The following GPR176 variants were observed in gnomAD, a reference collection of about 807,000 sequenced individuals.
GPR176 encodes G-protein coupled receptor 176.
GPR176 carries 26 observed loss-of-function variants against 35.4 expected under a neutral mutation model. That is an observed-to-expected ratio of 0.74 (90% CI 0.54 to 1.02). The LOEUF (loss-of-function observed/expected upper bound fraction) is 1.02. Ranked by LOEUF, GPR176 falls within the 50% of genes least tolerant of loss-of-function variation. GPR176 has a pLI of 0.00. For synonymous variants in GPR176, 278 were observed against 271.3 expected (o/e 1.02, Z -0.24); for missense variants, 597 against 665.3 (o/e 0.90, Z 1.13).
At chr15:39,902,824 G>A (rs2033316687) in intron 1 of GPR176, among the ~76,000 whole-genome samples, 1 of 152,206 alleles carries the variant, frequency 6.6e-6, no homozygotes, top group Admixed American at 6.5e-5. Flanking sequence ...CACAAGGGAT[G>A]CCCAGGGAAC....
chr15:39,884,508 G>A (rs921949811), intron 1 of GPR176, among the ~76,000 whole-genome samples: 1 of 152,150 alleles, frequency 6.6e-6, no homozygotes, highest in Non-Finnish European at 1.5e-5. Context: ...TTTTTCTCAT[G>A]TAACCCACAT....
chr15:39,906,595 T>C (rs950076646), intron 1 of GPR176, among the ~76,000 whole-genome samples: 7 of 152,230 alleles, frequency 4.6e-5, no homozygotes, highest in African/African-American at 1.2e-4. Flanking sequence ...GCCTGTCTTA[T>C]GTCATAGGCT....
At position 39,920,012 on chromosome 15, in the gene GPR176, C is replaced by T; in HGVS notation, c.15G>A (p.Gly5=). 1 of 1,381,320 alleles carries T rather than the reference C, an allele frequency of 7.2e-7. No individual in the cohort carries two copies. The highest frequency in any genetic ancestry group is 9.4e-7 in the Non-Finnish European group (1 of 1,062,664). 85.6% of individuals were successfully genotyped at this position (1,381,320 alleles called of 1,614,324 possible). A position where few individuals can be genotyped will look rare whatever the true frequency, so the allele number is the denominator to read the frequency against. Residue 5 remains glycine, a synonymous_variant, in exon 1 of 3, where the codon GGG becomes GGA. Coordinates refer to ENST00000561100, the MANE Select transcript of GPR176 (RefSeq NM_007223.3). ...CGCTGGCATTTGGAGAGATCCAGCT[C>T]CCGTTATGTCCCATGGCGAGGCTGG... MGHN[G]SWISPNASEP...
chr15:39,846,691 C>T (rs548304181), intron 1 of GPR176, among the ~76,000 whole-genome samples: 9 of 152,228 alleles, frequency 5.9e-5, no homozygotes, highest in African/African-American at 1.7e-4. Context: ...ACATTTTTCA[C>T]GTGCTGAAAG....
At chr15:39,896,922 A>G (rs542435932) in intron 1 of GPR176, among the ~76,000 whole-genome samples, 1 of 152,372 alleles carries the variant, frequency 6.6e-6, no homozygotes, top group East Asian at 1.9e-4. Flanking sequence ...TTCTCACAAA[A>G]TAAACTATTA....
intron 1 of GPR176, among the ~76,000 whole-genome samples, chr15:39,847,944 G>A (rs1033161354): frequency 2.0e-5 from 3 of 152,140 alleles, no homozygotes; most frequent in African/African-American, 4.8e-5. Flanking sequence ...AATCATGGCC[G>A]AAGGTGATGG....
At position 39,909,015 on chromosome 15, in the gene GPR176, G is replaced by A. The variant is rs138268476; in HGVS notation, c.172+10840C>T. ...CACAAAGTATAAAGTGGCAGATACT[G>A]TAGTCTGGTTCACTCAATATTCCCT... On this transcript the variant is annotated intron_variant, in intron 1 of 2. Transcript: ENST00000561100. Among the ~76,000 whole-genome samples, 727 of 152,300 alleles carry A rather than the reference G, an allele frequency of 4.8e-3. 6 individuals are homozygous for A. The highest frequency in any genetic ancestry group is 0.017 in the African/African-American group (700 of 41,550).
intron 1 of GPR176, among the ~76,000 whole-genome samples, chr15:39,850,652 G>C (rs1028502593): frequency 1.3e-5 from 2 of 152,098 alleles, no homozygotes; most frequent in Non-Finnish European, 2.9e-5. Context: ...TCTGTGTCTT[G>C]ACCTATCAAT....
intron 1 of GPR176, among the ~76,000 whole-genome samples, chr15:39,892,574 A>G (rs894601932): frequency 6.6e-5 from 10 of 152,258 alleles, no homozygotes; most frequent in Non-Finnish European, 1.2e-4. Flanking sequence ...TGTAGTAATC[A>G]AGATGAGGTC....
chr15:39,873,680 A>C (rs937206308), intron 1 of GPR176, among the ~76,000 whole-genome samples: 1 of 150,476 alleles, frequency 6.6e-6, no homozygotes, highest in Admixed American at 6.6e-5. Context: ...AAGGTGAAGT[A>C]GCTTCCTAGT....
chr15:39,854,824 GCCAATAGTTCAAGA>G (rs1460481709), intron 1 of GPR176, among the ~76,000 whole-genome samples: 1 of 151,912 alleles, frequency 6.6e-6, no homozygotes, highest in Non-Finnish European at 1.5e-5. Context: ...ATCACTTGAG[GCCAATAGTTCAAGA>G]CCAGCCTGGG....
chr15:39,884,538 A>G (rs936002106), intron 1 of GPR176, among the ~76,000 whole-genome samples: 1 of 151,648 alleles, frequency 6.6e-6, no homozygotes, highest in Admixed American at 6.5e-5. Flanking sequence ...GGGCTGGGGC[A>G]GCTGCTCAAA....
intron 1 of GPR176, among the ~76,000 whole-genome samples, chr15:39,831,636 C>G (rs565892285): frequency 6.6e-6 from 1 of 152,252 alleles, no homozygotes; most frequent in Non-Finnish European, 1.5e-5. Context: ...CAACAAAATA[C>G]TGTAGATTTG....
chr15:39,885,368 G>GGA (rs2032636412), intron 1 of GPR176, among the ~76,000 whole-genome samples: 1 of 152,152 alleles, frequency 6.6e-6, no homozygotes, highest in Non-Finnish European at 1.5e-5. Flanking sequence ...AGCAAATCAG[G>GGA]GAGTAAGAAG....
intron 1 of GPR176, among the ~76,000 whole-genome samples, chr15:39,872,163 AG>A (rs2032065800): frequency 6.6e-6 from 1 of 150,692 alleles, no homozygotes; most frequent in Admixed American, 6.7e-5. Context: ...AACTCTTTTA[AG>A]GCAAGAAGAA....
At chr15:39,814,532 T>A (rs1471057169) in intron 1 of GPR176, among the ~76,000 whole-genome samples, 1 of 152,216 alleles carries the variant, frequency 6.6e-6, no homozygotes, top group African/African-American at 2.4e-5. Flanking sequence ...TTCAGATTAT[T>A]CTGTTGTATC....
At chr15:39,913,718 AGTAGTGG>A (rs1390076337) in intron 1 of GPR176, among the ~76,000 whole-genome samples, 273 of 152,288 alleles carry the variant, frequency 1.8e-3, no homozygotes, top group African/African-American at 6.2e-3. Flanking sequence ...ATTCAGTAGT[AGTAGTGG>A]TTGCACTACT....
At chr15:39,867,552 A>G (rs995091397) in intron 1 of GPR176, among the ~76,000 whole-genome samples, 2 of 151,626 alleles carry the variant, frequency 1.3e-5, no homozygotes, top group African/African-American at 4.9e-5. Context: ...CTCACGCTGG[A>G]GGCTACTCAG....
chr15:39,834,889 T>C (rs1901298284), intron 1 of GPR176, among the ~76,000 whole-genome samples: 1 of 152,156 alleles, frequency 6.6e-6, no homozygotes, highest in Non-Finnish European at 1.5e-5. Flanking sequence ...TAGTCAATAA[T>C]TTATTGTACA....
Sources: allele counts gnomAD v4.1 joint callset (sites outside exome capture counted in the v4.1 genomes callset), GRCh38; gene constraint gnomAD v4.1.1; transcripts MANE v1.5; gene names NCBI Gene and HGNC (gene_info 2026-07-23, HGNC 2026-07-21).